Variants in FANCC observed in about 807,000 individuals in gnomAD.
FANCC encodes FA complementation group C.
Under a neutral mutation model 71.3 loss-of-function variants are expected in FANCC, and 55 were observed. That is an observed-to-expected ratio of 0.77 (90% CI 0.62 to 0.97). FANCC has a LOEUF of 0.97. FANCC is among the 50% of genes least tolerant of loss of function. The pLI is 0.00. For missense variants in FANCC, 678 were observed against 670.9 expected, an observed-to-expected ratio of 1.01 and a Z score of -0.12; for synonymous variants, 275 against 244.9, an observed-to-expected ratio of 1.12 and a Z score of -1.15.
At chr9:95,307,638 C>T (rs1835142410) in intron 1 of FANCC, among the ~76,000 whole-genome samples, 1 of 152,084 alleles carries the variant, frequency 6.6e-6, no homozygotes, top group Admixed American at 6.6e-5. Flanking sequence ...ATTCAAAGTC[C>T]ACAACAGATA....
intron 10 of FANCC, chr9:95,123,753 C>T: frequency 1.4e-6 from 1 of 695,564 alleles, no homozygotes; most frequent in East Asian, 2.8e-5. Flanking sequence ...CTGAGTTGTG[C>T]AATTCACAGC....
rs1053070723 is a variant in FANCC at position 95,099,463 on chromosome 9, T to C, written c.*2244A>G. ...TCCCCGCCCAGCATCTCGGATGCCA[T>C]TCCTTCCCGGTGGCACCTGCCCAGG... On this transcript the variant is annotated 3_prime_UTR_variant, in exon 15 of 15. Coordinates refer to ENST00000289081, the MANE Select transcript of FANCC (RefSeq NM_000136.3). The C allele has an allele frequency of 1.8e-5, 4 of 224,572 alleles. No homozygotes were observed. The highest frequency in any genetic ancestry group is 3.5e-5 in the Non-Finnish European group (4 of 113,910). 13.9% of individuals were successfully genotyped at this position (224,572 alleles called of 1,614,324 possible).
chr9:95,126,758 C>T lies in FANCC; in HGVS notation c.844-177G>A, dbSNP rs56217301. The T allele has an allele frequency of 1.6e-3, 1,048 of 645,510 alleles. 9 individuals carry two copies. The highest frequency in any genetic ancestry group is 0.016 in the African/African-American group (889 of 55,452). The allele number at this position is 645,510 out of a possible 1,614,324, so 40.0% of individuals were successfully genotyped here. A position where few individuals can be genotyped will look rare whatever the true frequency, so the allele number is the denominator to read the frequency against. On this transcript the variant is annotated intron_variant, in intron 8 of 14. Coordinates refer to ENST00000289081, the MANE Select transcript of FANCC (RefSeq NM_000136.3). The stretch of plus-strand genomic sequence containing the variant: ...AAAACGCCCCACATACAAGTGCATA[C>T]GGTGGTCTCCCTGGGCAGGGGTTAC...
chr9:95,192,371 C>T (rs1330813428), intron 4 of FANCC, among the ~76,000 whole-genome samples: 1 of 152,134 alleles, frequency 6.6e-6, no homozygotes, highest in Non-Finnish European at 1.5e-5. Context: ...ACTTGACGCC[C>T]CAGGGATGGG....
At chr9:95,236,064 T>A (rs1320492017) in intron 4 of FANCC, among the ~76,000 whole-genome samples, 2 of 152,210 alleles carry the variant, frequency 1.3e-5, no homozygotes, top group Non-Finnish European at 2.9e-5. Context: ...ACAGACGCTA[T>A]CTGGATATTG....
intron 1 of FANCC, among the ~76,000 whole-genome samples, chr9:95,298,411 T>C (rs1313900891): frequency 2.0e-5 from 3 of 152,068 alleles, no homozygotes; most frequent in African/African-American, 4.8e-5. Flanking sequence ...AGAGGTCCAA[T>C]AGGCAGTGGG....
rs763466918 is a variant in FANCC, at chr9:95,117,301, C to T, written c.1072+14G>A. 6.2e-7 allele frequency: 1 copy of T among 1,612,922 alleles called. No individual in the cohort carries two copies. Among genetic ancestry groups the T allele is most frequent in the Non-Finnish European group, 8.5e-7 (1 of 1,179,078 alleles). Reference sequence around the variant, plus strand: ...GAAATCATTCTGATGTGGGCAAAGTCAACCCTAACTCACCTTGAGGGTCTT... The same window carrying T: ...GAAATCATTCTGATGTGGGCAAAGTTAACCCTAACTCACCTTGAGGGTCTT... On this transcript the variant is annotated intron_variant, in intron 11 of 14. Transcript: ENST00000289081.
At chr9:95,188,124 AG>A (rs1826845081) in intron 4 of FANCC, among the ~76,000 whole-genome samples, 1 of 152,218 alleles carries the variant, frequency 6.6e-6, no homozygotes, top group African/African-American at 2.4e-5. Context: ...TATCCTAATT[AG>A]GGGGAGAAAG....
intron 1 of FANCC, chr9:95,292,747 G>T: frequency 1.5e-6 from 2 of 1,377,756 alleles, no homozygotes; most frequent in South Asian, 1.2e-5. Context: ...ATCGAAGGCT[G>T]CCCCAGAGGC....
intron 1 of FANCC, chr9:95,294,395 A>G: frequency 6.2e-7 from 1 of 1,601,924 alleles, no homozygotes; most frequent in Non-Finnish European, 8.6e-7. Flanking sequence ...GCTCAGTCCT[A>G]TGGGTGTAGG....
chr9:95,317,302 C>G (rs913011564), intron 1 of FANCC: 1 of 144,538 alleles, frequency 6.9e-6, no homozygotes, highest in Non-Finnish European at 1.5e-5. Flanking sequence ...TGGCACCGCC[C>G]GCCACCTTCC....
At chr9:95,140,051 CAG>C (rs1489861398) in intron 7 of FANCC, among the ~76,000 whole-genome samples, 1 of 151,838 alleles carries the variant, frequency 6.6e-6, no homozygotes, top group African/African-American at 2.4e-5. Context: ...TTCAAGAAAA[CAG>C]AGTAAGATAA....
intron 7 of FANCC, among the ~76,000 whole-genome samples, chr9:95,138,296 C>T (rs1828035280): frequency 6.6e-6 from 1 of 152,224 alleles, no homozygotes; most frequent in South Asian, 2.1e-4. Flanking sequence ...GAACAGTGGG[C>T]AGCTTTACTG....
Position 95,305,548 on chromosome 9 carries a change from A to C in FANCC, c.-79+11978T>G, listed in dbSNP as rs368077792. Among the ~76,000 whole-genome samples the C allele has an allele frequency of 4.6e-5, 7 of 152,214 alleles. No homozygotes were observed. The East Asian group carries it at 1.3e-3, about 29-fold the overall frequency. ...AAATGTCACACTAATACAATCCTTA[A>C]ACAGCAACTATTTTTAGCATCCTTT... is the stretch of plus-strand genomic sequence containing the variant. On this transcript the variant is annotated intron_variant, in intron 1 of 14. Coordinates refer to ENST00000289081, the MANE Select transcript of FANCC (RefSeq NM_000136.3).
intron 1 of FANCC, among the ~76,000 whole-genome samples, chr9:95,286,386 A>G (rs1233107894): frequency 6.6e-6 from 1 of 152,184 alleles, no homozygotes; most frequent in African/African-American, 2.4e-5. Context: ...AGGGGCTTCC[A>G]GGAAAGATTT....
intron 7 of FANCC, among the ~76,000 whole-genome samples, chr9:95,144,069 C>T (rs557728092): frequency 2.8e-5 from 4 of 144,560 alleles, no homozygotes; most frequent in South Asian, 2.4e-4. Context: ...AGGCTAAACA[C>T]GGGTTAGAGT....
At chr9:95,310,350 A>G (rs1407114937) in intron 1 of FANCC, among the ~76,000 whole-genome samples, 1 of 151,874 alleles carries the variant, frequency 6.6e-6, no homozygotes, top group Non-Finnish European at 1.5e-5. Context: ...TTGACAGGGC[A>G]AGACCCTGTT....
chr9:95,252,972 C>G (rs925518293), intron 1 of FANCC, among the ~76,000 whole-genome samples: 1 of 151,328 alleles, frequency 6.6e-6, no homozygotes, highest in South Asian at 2.1e-4. Context: ...GCAGGAGGAT[C>G]GCTTGGACCC....
chr9:95,133,676 T>A (rs1264191531), intron 8 of FANCC, among the ~76,000 whole-genome samples: 1 of 152,160 alleles, frequency 6.6e-6, no homozygotes, highest in Non-Finnish European at 1.5e-5. Flanking sequence ...CTAGAATTTT[T>A]CAATAGGGAG....
Sources: allele counts gnomAD v4.1 joint callset (sites outside exome capture counted in the v4.1 genomes callset), GRCh38; gene constraint gnomAD v4.1.1; transcripts MANE v1.5; gene names NCBI Gene and HGNC (gene_info 2026-07-23, HGNC 2026-07-21).